The following WSB2 variants were observed in gnomAD, a reference collection of about 807,000 sequenced individuals.
WSB2 encodes WD repeat and SOCS box-containing protein 2.
A neutral mutation model predicts 48.8 loss-of-function variants in WSB2; 12 were observed. The ratio of observed to expected loss-of-function variants is 0.25; its 90% CI spans 0.16 to 0.40. The LOEUF (loss-of-function observed/expected upper bound fraction) is 0.40, where lower values mean the gene tolerates loss of function less well. WSB2 is among the 10% of genes least tolerant of loss of function. WSB2 has a pLI of 1.00. For synonymous variants in WSB2, 191 were observed against 203.1 expected (o/e 0.94, Z 0.51); for missense variants, 317 against 506.2 (o/e 0.63, Z 3.59).
chr12:118,048,417 G>C (rs1304808362), intron 2 of WSB2, among the ~76,000 whole-genome samples: 4 of 151,798 alleles, frequency 2.6e-5, no homozygotes, highest in Admixed American at 2.6e-4. Flanking sequence ...GTGAAAACTT[G>C]TCTCTTCTAA....
At chr12:118,058,527 T>A (rs1430526145) in intron 1 of WSB2, among the ~76,000 whole-genome samples, 1 of 151,888 alleles carries the variant, frequency 6.6e-6, no homozygotes, top group Non-Finnish European at 1.5e-5. Flanking sequence ...TAGTTCGGTA[T>A]TTTTTGCAGA....
chr12:118,055,386 C>T (rs773346443), intron 1 of WSB2, among the ~76,000 whole-genome samples: 8 of 152,104 alleles, frequency 5.3e-5, no homozygotes, highest in Non-Finnish European at 1.5e-5. Flanking sequence ...AACCCAGATG[C>T]AGTCAAGTAT....
intron 5 of WSB2, 71 bp from the exon 6 acceptor site, chr12:118,036,581 G>T: frequency 1.3e-6 from 2 of 1,485,492 alleles, no homozygotes; most frequent in East Asian, 2.3e-5. Context: ...GGGAGGGAAA[G>T]GTACCACCAC....
At chr12:118,043,955 A>T (rs976226536) in intron 2 of WSB2, among the ~76,000 whole-genome samples, 2 of 141,744 alleles carry the variant, frequency 1.4e-5, no homozygotes, top group African/African-American at 5.2e-5. Context: ...CATCTCTACT[A>T]AAAAAAAAAA....
chr12:118,056,935 C>A (rs565692742), intron 1 of WSB2, among the ~76,000 whole-genome samples: 1 of 152,130 alleles, frequency 6.6e-6, no homozygotes, highest in Non-Finnish European at 1.5e-5. Context: ...CCCTTAAACT[C>A]TGATGATGCT....
At chr12:118,045,257 G>A (rs970461860) in intron 2 of WSB2, among the ~76,000 whole-genome samples, 3 of 151,420 alleles carry the variant, frequency 2.0e-5, no homozygotes, top group South Asian at 4.2e-4. Context: ...CCAGCTACTC[G>A]GAGAGGCTGA....
chr12:118,038,192 G>A lies in WSB2; in HGVS notation c.660+96C>T, dbSNP rs1379825208. ...CACCAGCATGCCTTCTATTGGGGTGGATTTGCGGACGATTTTGAGAACACT... is the reference window on the plus strand; with the variant it reads ...CACCAGCATGCCTTCTATTGGGGTGAATTTGCGGACGATTTTGAGAACACT... On this transcript the variant is annotated intron_variant, in intron 5 of 8. Transcript: ENST00000315436. 6 of 1,208,550 alleles carry A rather than the reference G, an allele frequency of 5.0e-6. No individual in the cohort carries two copies. The African/African-American group carries it at 9.2e-5, about 19-fold the overall frequency. 74.9% of individuals were successfully genotyped at this position (1,208,550 alleles called of 1,614,324 possible).
At chr12:118,036,236 T>A in intron 6 of WSB2, 102 bp downstream of exon 6, 1 of 1,364,360 alleles carries the variant, frequency 7.3e-7, no homozygotes, top group Non-Finnish European at 1.0e-6. Context: ...ATCCAGCTTG[T>A]CCCCTCCCAT....
intron 5 of WSB2, among the ~76,000 whole-genome samples, chr12:118,037,662 C>CT (rs2031542852): frequency 7.0e-6 from 1 of 143,754 alleles, no homozygotes; most frequent in Non-Finnish European, 1.5e-5. Context: ...CAGCGAAACT[C>CT]TGTCTAAAAA....
chr12:118,058,319 T>C (rs1194501641), intron 1 of WSB2, among the ~76,000 whole-genome samples: 6 of 152,112 alleles, frequency 3.9e-5, no homozygotes, highest in African/African-American at 1.4e-4. Flanking sequence ...CTGGCCTCAC[T>C]ATCTAAAGCG....
At chr12:118,036,554 C>T in intron 5 of WSB2, 44 bp from the exon 6 acceptor site, 1 of 1,560,012 alleles carries the variant, frequency 6.4e-7, no homozygotes, top group Non-Finnish European at 8.7e-7. Flanking sequence ...AAGCAAAGTG[C>T]TTAGGACTCA....
At chr12:118,056,681 A>C (rs2137799506) in intron 1 of WSB2, among the ~76,000 whole-genome samples, 1 of 152,260 alleles carries the variant, frequency 6.6e-6, no homozygotes, top group South Asian at 2.1e-4. Context: ...CAGGCAGGTC[A>C]CTTGGGGCCA....
At position 118,040,786 on chromosome 12, in the gene WSB2, G is replaced by A. The variant is rs760487817; in HGVS notation, c.559+2055C>T. Among the ~76,000 whole-genome samples the A allele has an allele frequency of 2.8e-4, 43 of 151,908 alleles. 1 individual carries two copies. The highest frequency in any genetic ancestry group is 1.3e-4 in the Admixed American group (2 of 15,272). The stretch of plus-strand genomic sequence containing the variant: ...GAGTAGGCCAGGCGCAGTGGCTCAC[G>A]CCTGTAATCCCAGCACTTTAGGAAG... On this transcript the variant is annotated intron_variant, in intron 4 of 8. Transcript: ENST00000315436.
At chr12:118,056,575 A>G (rs1208195175) in intron 1 of WSB2, among the ~76,000 whole-genome samples, 1 of 152,172 alleles carries the variant, frequency 6.6e-6, no homozygotes, top group Non-Finnish European at 1.5e-5. Flanking sequence ...TGTCTAATAA[A>G]TACATATGGT....
At chr12:118,059,031 G>A (rs2032015241) in intron 1 of WSB2, among the ~76,000 whole-genome samples, 2 of 151,988 alleles carry the variant, frequency 1.3e-5, no homozygotes, top group South Asian at 4.1e-4. Context: ...TCATTTTTAC[G>A]TATTTATTGT....
upstream of WSB2, chr12:118,062,047 A>G: frequency 2.0e-6 from 3 of 1,511,886 alleles, no homozygotes; most frequent in Non-Finnish European, 1.8e-6. Flanking sequence ...GGTGGGAACG[A>G]GATAAAAAAC....
intron 2 of WSB2, among the ~76,000 whole-genome samples, chr12:118,046,938 A>AT (rs1254339258): frequency 2.6e-5 from 4 of 151,886 alleles, no homozygotes; most frequent in African/African-American, 7.3e-5. Context: ...TACCCAGCTA[A>AT]TTTTTTAATT....
chr12:118,039,749 T>G lies in WSB2; in HGVS notation c.560-1361A>C, dbSNP rs186282677. 1.1e-4 allele frequency among the ~76,000 whole-genome samples: 17 copies of G among 152,180 alleles called. 1 individual carries two copies. The highest frequency in any genetic ancestry group is 1.6e-4 in the Non-Finnish European group (11 of 68,024). On this transcript the variant is annotated intron_variant, in intron 4 of 8. Coordinates refer to ENST00000315436, the MANE Select transcript of WSB2 (RefSeq NM_018639.5). ...AAAATTAATATTTCTTTTTTATTTT[T>G]TTTTATTTTTTTGAGACAGAGTCTT...
chr12:118,038,156 TG>T, intron 5 of WSB2, 131 bp downstream of exon 5: 2 of 717,402 alleles, frequency 2.8e-6, no homozygotes, highest in Non-Finnish European at 4.3e-6. Flanking sequence ...TTGCAGGTGG[TG>T]GCCATGGCCC....
Sources: gnomAD v4.1 joint callset for allele counts (sites outside exome capture counted in the v4.1 genomes callset) on GRCh38, gnomAD v4.1.1 for gene constraint, MANE v1.5 for transcripts, NCBI Gene and HGNC (gene_info 2026-07-23, HGNC 2026-07-21) for gene names.